Variants in SPECC1 observed in about 807,000 individuals in gnomAD.
The protein encoded by SPECC1 is cytospin-B.
In SPECC1, 62 loss-of-function variants were observed where a neutral mutation model predicts 104.1. The observed-to-expected ratio is 0.60, with a 90% CI of 0.49 to 0.74. SPECC1 has a LOEUF of 0.74. Among genes scored for constraint, SPECC1 ranks in the 30% least tolerant of loss-of-function variants. The probability of loss-of-function intolerance (pLI) is 0.00; values close to 1 mark genes in which losing one functional copy is unlikely to be tolerated. For missense variants in SPECC1, 1,306 were observed against 1,310.5 expected, an observed-to-expected ratio of 1.00 and a Z score of 0.05; for synonymous variants, 513 against 501.6, an observed-to-expected ratio of 1.02 and a Z score of -0.30.
intron 3 of SPECC1, among the ~76,000 whole-genome samples, chr17:20,174,356 G>A (rs1440220734): frequency 6.6e-6 from 1 of 152,146 alleles, no homozygotes; most frequent in African/African-American, 2.4e-5. Context: ...CTGTAAATAT[G>A]CAGTTAGGAG....
intron 12 of SPECC1, among the ~76,000 whole-genome samples, chr17:20,295,903 G>A (rs2142020396): frequency 6.6e-6 from 1 of 152,244 alleles, no homozygotes; most frequent in Non-Finnish European, 1.5e-5. Flanking sequence ...TAAGTTCTTT[G>A]TAGGTTCTGG....
At chr17:20,249,388 A>T (rs551185513) in intron 9 of SPECC1, among the ~76,000 whole-genome samples, 1 of 152,184 alleles carries the variant, frequency 6.6e-6, no homozygotes, top group Non-Finnish European at 1.5e-5. Context: ...ACTGCATTCC[A>T]GCCTGGGCAA....
rs547656430 is a variant in SPECC1 at position 20,034,683 on chromosome 17, G to A, written c.-22+25259G>A. 4.8e-5 allele frequency among the ~76,000 whole-genome samples: 7 copies of A among 146,162 alleles called. No individual in the cohort carries two copies. In the East Asian group the frequency reaches 1.2e-3, roughly 26 times the overall value. ...TGCAATGGTGTGATCTTGGCTCACC[G>A]CAACCTCTGCCCCCCGGGTTCAAGC... On this transcript the variant is annotated intron_variant, in intron 1 of 14. Coordinates refer to ENST00000395527, the MANE Select transcript of SPECC1 (RefSeq NM_001243439.2).
At chr17:20,144,274 T>A (rs1042993348) in intron 3 of SPECC1, among the ~76,000 whole-genome samples, 2 of 141,276 alleles carry the variant, frequency 1.4e-5, no homozygotes, top group Admixed American at 7.4e-5. Context: ...TGCCTTGACC[T>A]CCTGGGCTCA....
chr17:20,263,618 T>G (rs1345809634), intron 12 of SPECC1, among the ~76,000 whole-genome samples: 1 of 151,628 alleles, frequency 6.6e-6, no homozygotes, highest in Admixed American at 6.6e-5. Flanking sequence ...AGGTTTAGCG[T>G]AAAGAAAATA....
At chr17:20,170,534 G>A (rs1227019295) in intron 3 of SPECC1, among the ~76,000 whole-genome samples, 1 of 152,148 alleles carries the variant, frequency 6.6e-6, no homozygotes, top group East Asian at 1.9e-4. Flanking sequence ...CCAGGGGGGT[G>A]CAGGTATCAC....
chr17:20,070,121 G>T (rs1412118245), intron 1 of SPECC1, among the ~76,000 whole-genome samples: 1 of 151,946 alleles, frequency 6.6e-6, no homozygotes, highest in Non-Finnish European at 1.5e-5. Flanking sequence ...TTGCCTAATT[G>T]TCCAGACTAA....
chr17:20,096,330 C>T (rs1007838359), intron 1 of SPECC1, among the ~76,000 whole-genome samples: 1 of 152,144 alleles, frequency 6.6e-6, no homozygotes, highest in East Asian at 1.9e-4. Flanking sequence ...GATACAGATA[C>T]ATAGTGTATG....
At chr17:20,233,062 A>T (rs925424407) in intron 7 of SPECC1, among the ~76,000 whole-genome samples, 1 of 152,254 alleles carries the variant, frequency 6.6e-6, no homozygotes, top group Non-Finnish European at 1.5e-5. Context: ...TGCAATGTTA[A>T]TTATTATCTG....
At chr17:20,077,834 GT>G (rs1439748586) in intron 1 of SPECC1, among the ~76,000 whole-genome samples, 4 of 152,062 alleles carry the variant, frequency 2.6e-5, no homozygotes, top group African/African-American at 7.2e-5. Context: ...TAAGATTCTG[GT>G]TAAGCCCATA....
intron 4 of SPECC1, among the ~76,000 whole-genome samples, chr17:20,208,276 A>G (rs1197805768): frequency 6.6e-6 from 1 of 152,204 alleles, no homozygotes; most frequent in Non-Finnish European, 1.5e-5. Flanking sequence ...ATGCTATCAC[A>G]TAGGGTTTCT....
intron 12 of SPECC1, among the ~76,000 whole-genome samples, chr17:20,293,077 A>G (rs866149712): frequency 2.6e-5 from 4 of 152,196 alleles, no homozygotes; most frequent in African/African-American, 9.7e-5. Flanking sequence ...CCTACATGTG[A>G]CATGTGACAC....
At chr17:20,194,503 T>TTATTTTTTTTTTTTTATTTTTA (rs1491494270) in intron 3 of SPECC1, among the ~76,000 whole-genome samples, 1 of 32,594 alleles carries the variant, frequency 3.1e-5, no homozygotes, top group South Asian at 1.2e-3. Context: ...AGAGAACGAA[T>TTATTTTTTTTTTTTTATTTTTA]TTTTTTTTTT....
At position 20,301,847 on chromosome 17, in the gene SPECC1, A is replaced by G. The variant is rs544693720; in HGVS notation, c.3058-4176A>G. Among the ~76,000 whole-genome samples the G allele has an allele frequency of 2.0e-4, 30 of 152,204 alleles. 1 individual carries two copies. The East Asian group carries it at 5.6e-3, about 28-fold the overall frequency. On this transcript the variant is annotated intron_variant, in intron 13 of 14. Transcript: ENST00000395527. Reference sequence around the variant, plus strand: ...CAACCTCTCGAGTAGCTGTGACTACAGGCACACGGCACTACACCTGGCTAG... The same window carrying G: ...CAACCTCTCGAGTAGCTGTGACTACGGGCACACGGCACTACACCTGGCTAG...
At chr17:20,288,302 T>C (rs942514292) in intron 12 of SPECC1, among the ~76,000 whole-genome samples, 1 of 152,164 alleles carries the variant, frequency 6.6e-6, no homozygotes, top group Non-Finnish European at 1.5e-5. Context: ...CATTTGGGTA[T>C]ATAACCACTA....
At chr17:20,231,631 G>T in intron 5 of SPECC1, 127 bp from the exon 6 acceptor site, 1 of 789,398 alleles carries the variant, frequency 1.3e-6, no homozygotes. Flanking sequence ...GTTGCATTTA[G>T]AGTAGAATGG....
intron 9 of SPECC1, 120 bp downstream of exon 9, chr17:20,247,439 A>G: frequency 1.6e-6 from 1 of 622,380 alleles, no homozygotes; most frequent in Non-Finnish European, 2.8e-6. Context: ...GTGTTTTGTA[A>G]ATTGGATTGC....
intron 2 of SPECC1, among the ~76,000 whole-genome samples, chr17:20,097,518 A>G (rs932658532): frequency 9.2e-5 from 14 of 152,238 alleles, no homozygotes; most frequent in Admixed American, 2.6e-4. Flanking sequence ...TGACAGCTAC[A>G]ATGCAGATGG....
intron 3 of SPECC1, among the ~76,000 whole-genome samples, chr17:20,123,622 G>C (rs903780807): frequency 1.3e-5 from 2 of 152,204 alleles, no homozygotes; most frequent in African/African-American, 4.8e-5. Flanking sequence ...GTGAAGAAGC[G>C]AAAGCTCCAG....
Sources: gnomAD v4.1 joint callset for allele counts (sites outside exome capture counted in the v4.1 genomes callset) on GRCh38, gnomAD v4.1.1 for gene constraint, MANE v1.5 for transcripts, NCBI Gene and HGNC (gene_info 2026-07-23, HGNC 2026-07-21) for gene names.